CUL2: variants seen among roughly 807,000 people sequenced by gnomAD.
CUL2 encodes cullin-2.
In CUL2, 22 loss-of-function variants were observed where a neutral mutation model predicts 110.2. That is an observed-to-expected ratio of 0.20 (90% confidence interval 0.14 to 0.28). CUL2 has a LOEUF of 0.28. CUL2 is among the 10% of genes least tolerant of loss of function. CUL2 has a pLI of 1.00. For synonymous variants in CUL2, 279 were observed against 293.2 expected (o/e 0.95, Z 0.49); for missense variants, 631 against 905.5 (o/e 0.70, Z 3.89).
In CUL2 at chr10:35,090,203, CA is replaced by C. The variant is rs1339420839; in HGVS notation, c.-48del. 6.5e-6 allele frequency: 1 copy of C among 153,258 alleles called. No individual in the cohort carries two copies. Among genetic ancestry groups the C allele is most frequent in the Non-Finnish European group, 1.5e-5 (1 of 68,226 alleles). The allele number at this position is 153,258 out of a possible 1,614,324, so 9.5% of individuals were successfully genotyped here. On this transcript the variant is annotated 5_prime_UTR_variant, in exon 1 of 21. Coordinates refer to ENST00000374749, the MANE Select transcript of CUL2 (RefSeq NM_003591.4). The stretch of plus-strand genomic sequence containing the variant: ...CCTTCTGCAGAAGCAGGGCAAGGGG[CA>C]GGGGACAAGGGGAGGGGGAGGCAGC...
At chr10:35,104,746 G>T (rs910516591) in intron 1 of CUL2, among the ~76,000 whole-genome samples, 29 of 151,832 alleles carry the variant, frequency 1.9e-4, no homozygotes, top group African/African-American at 7.0e-4. Context: ...CTTTTCTGGG[G>T]GGGGGACAGT....
At chr10:35,064,731 C>T (rs913639769) in intron 2 of CUL2, among the ~76,000 whole-genome samples, 9 of 151,918 alleles carry the variant, frequency 5.9e-5, no homozygotes, top group Non-Finnish European at 8.8e-5. Flanking sequence ...TTTGTAGAAA[C>T]AGGGTCTCAC....
At chr10:35,048,252 T>G (rs2086002518) in intron 6 of CUL2, among the ~76,000 whole-genome samples, 1 of 152,166 alleles carries the variant, frequency 6.6e-6, no homozygotes, top group Admixed American at 6.5e-5. Flanking sequence ...AGTGAGATCT[T>G]AGTAAAGCAT....
At chr10:35,081,184 C>T (rs1412377546) in intron 1 of CUL2, among the ~76,000 whole-genome samples, 1 of 152,066 alleles carries the variant, frequency 6.6e-6, no homozygotes, top group African/African-American at 2.4e-5. Flanking sequence ...TACAATGGCA[C>T]CACCACACTC....
chr10:35,036,453 T>G (rs1188795618), intron 9 of CUL2, among the ~76,000 whole-genome samples: 1 of 151,964 alleles, frequency 6.6e-6, no homozygotes, highest in Non-Finnish European at 1.5e-5. Flanking sequence ...GAGGTAAAGC[T>G]GGGGGGTGGT....
Position 35,071,319 on chromosome 10 carries a change from G to T in CUL2, c.-2C>A, listed in dbSNP as rs768661824. 4 of 1,612,036 alleles carry T rather than the reference G, an allele frequency of 2.5e-6. No homozygotes were observed. The Admixed American group carries it at 5.0e-5, about 20-fold the overall frequency. On this transcript the variant is annotated 5_prime_UTR_variant, in exon 2 of 21. Transcript: ENST00000374749. ...TACTACTCTTGGTTTCAAAGACATT[G>T]TGCAAGTGTAGTGTTGAAATCTGTC...
At chr10:35,016,761 T>C (rs1431144901) in intron 17 of CUL2, among the ~76,000 whole-genome samples, 3 of 151,904 alleles carry the variant, frequency 2.0e-5, no homozygotes, top group Admixed American at 6.6e-5. Flanking sequence ...ACCCCATCTT[T>C]ACTAAAAGTA....
Position 35,044,496 on chromosome 10 carries a change from A to G in CUL2, c.714+70T>C. The G allele has an allele frequency of 3.1e-6, 3 of 954,174 alleles. No individual in the cohort carries two copies. In the South Asian group the frequency reaches 5.3e-5, roughly 17 times the overall value. The allele number at this position is 954,174 out of a possible 1,614,324, so 59.1% of individuals were successfully genotyped here. On this transcript the variant is annotated intron_variant, in intron 8 of 20. Transcript: ENST00000374749. ...ACCAAGAAACAAAACAAGAAAACTAAGAACGATGTTAAATAAAACCAGGCC... is the reference window on the plus strand; with the variant it reads ...ACCAAGAAACAAAACAAGAAAACTAGGAACGATGTTAAATAAAACCAGGCC...
chr10:35,115,793 T>G (rs976271005), intron 1 of CUL2, among the ~76,000 whole-genome samples: 1 of 152,006 alleles, frequency 6.6e-6, no homozygotes, highest in Non-Finnish European at 1.5e-5. Flanking sequence ...CTAGGGGGAC[T>G]GAGGCAGAAG....
chr10:35,099,122 T>C (rs751501219), intron 2 of CUL2, among the ~76,000 whole-genome samples: 1 of 149,958 alleles, frequency 6.7e-6, no homozygotes, highest in Admixed American at 6.6e-5. Flanking sequence ...GCTGGGTGCA[T>C]TGGCTCATGC....
intron 1 of CUL2, among the ~76,000 whole-genome samples, chr10:35,089,204 T>A (rs2087138136): frequency 6.6e-6 from 1 of 152,162 alleles, no homozygotes; most frequent in Non-Finnish European, 1.5e-5. Flanking sequence ...ACTTCTCTTA[T>A]CTCACGCGAC....
At chr10:35,122,905 G>A (rs919033000) in intron 1 of CUL2, among the ~76,000 whole-genome samples, 1 of 152,188 alleles carries the variant, frequency 6.6e-6, no homozygotes, top group Non-Finnish European at 1.5e-5. Flanking sequence ...GCCTCCCAAT[G>A]TGCTAGAATT....
intron 18 of CUL2, among the ~76,000 whole-genome samples, chr10:35,015,521 A>G (rs2085004275): frequency 1.3e-5 from 2 of 152,184 alleles, no homozygotes; most frequent in South Asian, 2.1e-4. Context: ...AACATTATTT[A>G]TAGGAATTTT....
rs994907492 is a variant in CUL2 at position 35,035,280 on chromosome 10, G to A, written c.894C>T (p.Tyr298=). Residue 298 remains tyrosine (Y), a synonymous_variant, in exon 10 of 21, where the codon TAC becomes TAT. Transcript: ENST00000374749. ...CAGTGGACACAGCACGGAGTAAGACGTACATATTTGCCATGTCTGAGAGGA... is the reference window on the plus strand; with the variant it reads ...CAGTGGACACAGCACGGAGTAAGACATACATATTTGCCATGTCTGAGAGGA... The part of the protein sequence containing the change: ...QEKKNDMANM[Y]VLLRAVSTGL... The A allele has an allele frequency of 8.1e-6, 13 of 1,613,614 alleles. No individual in the cohort carries two copies. Among genetic ancestry groups the A allele is most frequent in the East Asian group, 4.5e-5 (2 of 44,880 alleles).
chr10:35,020,959 A>G (rs1588953524), intron 17 of CUL2, among the ~76,000 whole-genome samples: 2 of 118,826 alleles, frequency 1.7e-5, no homozygotes, highest in Admixed American at 1.7e-4. Flanking sequence ...TTTTTATTTT[A>G]TGGGTTTTTT....
At chr10:35,078,955 T>C (rs1292962593) in intron 1 of CUL2, among the ~76,000 whole-genome samples, 2 of 152,146 alleles carry the variant, frequency 1.3e-5, no homozygotes, top group African/African-American at 2.4e-5. Context: ...TGCCACTCAA[T>C]AGGCTTAGAG....
chr10:35,125,460 G>A (rs1182202113), intron 1 of CUL2, among the ~76,000 whole-genome samples: 1 of 152,212 alleles, frequency 6.6e-6, no homozygotes, highest in Non-Finnish European at 1.5e-5. Flanking sequence ...GACAATTGTT[G>A]TGGATACATT....
intron 8 of CUL2, 102 bp from the exon 9 acceptor site, chr10:35,039,184 A>ATTT (rs1332551096): frequency 1.6e-6 from 1 of 625,452 alleles, no homozygotes; most frequent in Admixed American, 3.5e-5. Flanking sequence ...GGCTGAATTA[A>ATTT]ACATGGCAAA....
At position 35,025,129 on chromosome 10, in the gene CUL2, T is replaced by C; in HGVS notation, c.1684+3A>G. The stretch of plus-strand genomic sequence containing the variant: ...AAGCCAGATATAATTAAATGCATTT[T>C]ACCTGTACACAGATAATGTAACCAT... On this transcript the variant is annotated splice_donor_region_variant and intron_variant, in intron 17 of 20. Transcript: ENST00000374749. The C allele has an allele frequency of 1.3e-6, 2 of 1,519,340 alleles. No homozygotes were observed. The highest frequency in any genetic ancestry group is 1.4e-5 in the South Asian group (1 of 73,858). 94.1% of individuals were successfully genotyped at this position (1,519,340 alleles called of 1,614,324 possible). A position where few individuals can be genotyped will look rare whatever the true frequency, so the allele number is the denominator to read the frequency against.
Sources: gnomAD v4.1 joint callset for allele counts (sites outside exome capture counted in the v4.1 genomes callset) on GRCh38, gnomAD v4.1.1 for gene constraint, MANE v1.5 for transcripts, NCBI Gene and HGNC (gene_info 2026-07-23, HGNC 2026-07-21) for gene names.